BCORL1: variants seen among roughly 807,000 people sequenced by gnomAD.
The protein encoded by BCORL1 is BCL6 corepressor like 1, also known as BCL-6 corepressor-like protein 1.
BCORL1 carries 7 observed loss-of-function variants against 87.6 expected under a neutral mutation model. That is an observed-to-expected ratio of 0.08 (90% CI 0.05 to 0.15). BCORL1 has a LOEUF of 0.15. BCORL1 is among the 10% of genes least tolerant of loss of function. The pLI is 1.00. For missense variants in BCORL1, 1,215 were observed against 1,499.7 expected, an observed-to-expected ratio of 0.81 and a Z score of 3.13; for synonymous variants, 591 against 634.4, an observed-to-expected ratio of 0.93 and a Z score of 1.03.
chrX:129,985,729 A>G (rs1926549923), intron 1 of BCORL1, among the ~76,000 whole-genome samples: 1 of 111,663 alleles, frequency 9.0e-6, no homozygotes, highest in African/African-American at 3.3e-5. Context: ...AACTTAGGCA[A>G]CTGCCCTTGG....
chrX:129,998,493 A>G (rs909653872), intron 1 of BCORL1, among the ~76,000 whole-genome samples: 2 of 111,235 alleles, frequency 1.8e-5, no homozygotes, highest in African/African-American at 6.5e-5. Context: ...CTTTTTGCTC[A>G]CCTCTCCTGG....
chrX:130,051,951 C>A lies in BCORL1; in HGVS notation c.5010C>A (p.Phe1670Leu), dbSNP rs1220068394. The change falls in exon 13 of 14, where the codon TTC becomes TTA. Residue 1670 changes from phenylalanine (F) to leucine (L), a missense_variant. Coordinates refer to ENST00000540052, the MANE Select transcript of BCORL1 (RefSeq NM_001379451.1). ...EGDDPMEEDD[F>L]MFELSDKPLL... is the part of the protein sequence containing the mutation. ...ACGATCCGATGGAGGAGGATGATTT[C>A]ATGTTTGAACTCTCAGACAAGCCTC... is the stretch of plus-strand genomic sequence containing the variant. 2.5e-6 allele frequency: 3 copies of A among 1,209,310 alleles called. No individual in the cohort carries two copies. Among genetic ancestry groups the A allele is most frequent in the Non-Finnish European group, 3.4e-6 (3 of 893,878 alleles).
intron 8 of BCORL1, among the ~76,000 whole-genome samples, chrX:130,030,720 A>T (rs1019792437): frequency 7.0e-5 from 7 of 99,621 alleles, no homozygotes; most frequent in African/African-American, 2.6e-4. Flanking sequence ...TCCCCCAGAC[A>T]CTCAGATGGA....
chrX:130,040,422 G>T lies in BCORL1; in HGVS notation c.4840+1140G>T, dbSNP rs113978336. Among the ~76,000 whole-genome samples the T allele has an allele frequency of 6.8e-3, 763 of 112,336 alleles. 5 individuals carry two copies. The highest frequency in any genetic ancestry group is 0.023 in the African/African-American group (699 of 30,973). On this transcript the variant is annotated intron_variant, in intron 11 of 13. Coordinates refer to ENST00000540052, the MANE Select transcript of BCORL1 (RefSeq NM_001379451.1). The stretch of plus-strand genomic sequence containing the variant: ...GGGGAGGACTAGGTAGGCGGTGAGT[G>T]GGGGGTAATAGGAGGCTGTCGCGGG...
intron 11 of BCORL1, among the ~76,000 whole-genome samples, chrX:130,042,697 C>T (rs73569830): frequency 0.055 from 6,090 of 111,208 alleles, 426 homozygotes; most frequent in African/African-American, 0.19. Context: ...TCGGGCCAGG[C>T]GTGGTGGCTC....
At position 130,022,750 on chromosome X, in the gene BCORL1, A is replaced by T. The variant is rs1359271381; in HGVS notation, c.3608-147A>T. On this transcript the variant is annotated intron_variant, in intron 5 of 13. Coordinates refer to ENST00000540052, the MANE Select transcript of BCORL1 (RefSeq NM_001379451.1). ...ACATATGTGATGGCCACGTAAGGGGAGTGAATAAATGTAACCCAGATTAAC... is the reference window on the plus strand; with the variant it reads ...ACATATGTGATGGCCACGTAAGGGGTGTGAATAAATGTAACCCAGATTAAC... 9.7e-6 allele frequency: 5 copies of T among 517,789 alleles called. No individual in the cohort carries two copies. The Admixed American group carries it at 1.4e-4, about 15-fold the overall frequency. The allele number at this position is 517,789 out of a possible 1,213,427, so 42.7% of individuals were successfully genotyped here.
chrX:130,039,318 G>A, intron 11 of BCORL1, 36 bp downstream of exon 11: 1 of 1,198,645 alleles, frequency 8.3e-7, no homozygotes, highest in Non-Finnish European at 1.1e-6. Context: ...GTTGTCCTTG[G>A]GGCCAGCCTC....
Position 130,015,750 on chromosome X carries a change from A to G in BCORL1, c.2978A>G (p.His993Arg), listed in dbSNP as rs747551517. 6 of 1,211,906 alleles carry G rather than the reference A, an allele frequency of 5.0e-6. No individual in the cohort carries two copies. Among genetic ancestry groups the G allele is most frequent in the Non-Finnish European group, 6.7e-6 (6 of 895,557 alleles). The change falls in exon 4 of 14, where the codon CAT (histidine) becomes CGT (arginine). Residue 993 changes from histidine (H) to arginine (R), a missense_variant. His to Arg is a conservative substitution (Grantham distance 29). Transcript: ENST00000540052. ...KNQVLATYMS[H>R]ELVLATPQNL... ...CAAGTGCTGGCCACCTACATGTCCC[A>G]TGAGCTGGTCCTGGCCACCCCCCAG...
rs904492796 is a variant in BCORL1, at chrX:130,055,908, G to C, written c.5130G>C (p.Ser1710=). The C allele has an allele frequency of 5.8e-6, 7 of 1,210,588 alleles. No homozygotes were observed. The highest frequency in any genetic ancestry group is 2.3e-4 in the Middle Eastern group (1 of 4,375). The change falls in exon 14 of 14, where the codon TCG becomes TCC. Residue 1710 remains serine, a synonymous_variant. Transcript: ENST00000540052. ...TCTTGAAGAGGCTGAAGCTTTCCTC[G>C]AGGATCTTTCAGGCCCGGTTCCCGC... ...SDVLKRLKLS[S]RIFQARFPHF... is the part of the protein sequence containing the mutation.
intron 11 of BCORL1, among the ~76,000 whole-genome samples, chrX:130,043,575 GATTT>G (rs1262547998): frequency 1.9e-5 from 2 of 105,591 alleles, no homozygotes; most frequent in Admixed American, 2.1e-4. Context: ...ATGGACTTCT[GATTT>G]ATTTATTTAT....
In BCORL1 at chrX:130,037,199, A is replaced by G. The variant is rs150165294; in HGVS notation, c.4528-168A>G. ...ACGGCCCAGAGCTGGGGTCCTGGCA[A>G]TTGTGGCTCAGGACTGATGTTGTTA... On this transcript the variant is annotated intron_variant, in intron 9 of 13. Coordinates refer to ENST00000540052, the MANE Select transcript of BCORL1 (RefSeq NM_001379451.1). Among the ~76,000 whole-genome samples the G allele has an allele frequency of 3.9e-3, 436 of 111,136 alleles. 1 individual carries two copies. Among genetic ancestry groups the G allele is most frequent in the Non-Finnish European group, 4.7e-3 (248 of 52,918 alleles).
intron 11 of BCORL1, among the ~76,000 whole-genome samples, chrX:130,043,746 TTATATATA>T (rs55637661): frequency 2.3e-4 from 4 of 17,474 alleles, no homozygotes; most frequent in African/African-American, 1.2e-3. Context: ...AGCTAATTTG[TTATATATA>T]TATATATATA....
intron 1 of BCORL1, among the ~76,000 whole-genome samples, chrX:130,002,151 G>A (rs961675682): frequency 3.6e-5 from 4 of 109,855 alleles, no homozygotes; most frequent in Non-Finnish European, 7.6e-5. Context: ...TAGGAAACAC[G>A]CTGCTTACTG....
intron 12 of BCORL1, among the ~76,000 whole-genome samples, chrX:130,051,290 G>C (rs1214433320): frequency 8.9e-6 from 1 of 112,992 alleles, no homozygotes; most frequent in Admixed American, 9.3e-5. Flanking sequence ...TTTATCCATG[G>C]TGGTCATCTA....
chrX:130,018,521 C>T (rs1929594709), intron 4 of BCORL1, among the ~76,000 whole-genome samples: 1 of 112,639 alleles, frequency 8.9e-6, no homozygotes, highest in Admixed American at 9.3e-5. Context: ...GATTAAAGAA[C>T]GTGATATACA....
intron 11 of BCORL1, among the ~76,000 whole-genome samples, chrX:130,048,628 CAAA>C (rs1337150946): frequency 2.7e-5 from 3 of 112,086 alleles, no homozygotes. Flanking sequence ...AGCAAGTAAA[CAAA>C]AGATTGTTAA....
In BCORL1 at chrX:130,015,709, C is replaced by T; in HGVS notation, c.2937C>T (p.Asp979=). 8.3e-6 allele frequency: 10 copies of T among 1,212,007 alleles called. No homozygotes were observed. Among genetic ancestry groups the T allele is most frequent in the Non-Finnish European group, 1.1e-5 (10 of 895,587 alleles). Residue 979 remains aspartate (D), a synonymous_variant, in exon 4 of 14, where the codon GAC becomes GAT. Coordinates refer to ENST00000540052, the MANE Select transcript of BCORL1 (RefSeq NM_001379451.1). ...CTTGTGGCCTGAAGCTGGCAGGAGA[C>T]ACGAAGCCTAAGAACCAAGTGCTGG... ...QGACGLKLAG[D]TKPKNQVLAT...
chrX:130,002,670 G>A (rs1437823457), intron 1 of BCORL1, among the ~76,000 whole-genome samples: 2 of 107,955 alleles, frequency 1.9e-5, no homozygotes, highest in Admixed American at 2.0e-4. Flanking sequence ...TGGGAACGGG[G>A]AGAAAGTTGG....
Position 130,014,556 on chromosome X carries a change from C to G in BCORL1, c.1784C>G (p.Ser595Cys), listed in dbSNP as rs1296955562. 7 of 1,211,589 alleles carry G rather than the reference C, an allele frequency of 5.8e-6. No individual in the cohort carries two copies. In the East Asian group the frequency reaches 1.8e-4, roughly 31 times the overall value. The part of the protein sequence containing the change: ...SGTEQQTEGT[S>C]VTFSPLKSPP... ...ACCGAGCAGCAAACAGAAGGGACTTCCGTTACCTTCTCTCCTCTTAAGTCA... is the reference window on the plus strand; with the variant it reads ...ACCGAGCAGCAAACAGAAGGGACTTGCGTTACCTTCTCTCCTCTTAAGTCA... The change falls in exon 4 of 14, where the codon TCC (serine) becomes TGC (cysteine). Residue 595 changes from serine (S) to cysteine (C), a missense_variant. Ser to Cys is a moderately radical substitution (Grantham distance 112, BLOSUM62 -1). This residue lies in a region of BCORL1 where 861 missense variants were observed against 1,010.0 expected (regional missense o/e 0.85). Coordinates refer to ENST00000540052, the MANE Select transcript of BCORL1 (RefSeq NM_001379451.1).
Sources: allele counts gnomAD v4.1 joint callset (sites outside exome capture counted in the v4.1 genomes callset), GRCh38; gene constraint gnomAD v4.1.1; regional missense constraint gnomAD v4.1.1; transcripts MANE v1.5; gene names NCBI Gene and HGNC (gene_info 2026-07-23, HGNC 2026-07-21).